The following EVC variants were observed in gnomAD, a reference collection of about 807,000 sequenced individuals.
EVC encodes the protein EvC ciliary complex subunit 1.
EVC carries 116 observed loss-of-function variants against 118.9 expected under a neutral mutation model. The ratio of observed to expected loss-of-function variants is 0.98; its 90% CI spans 0.84 to 1.14. The LOEUF (loss-of-function observed/expected upper bound fraction) is 1.14, where lower values mean the gene tolerates loss of function less well. Ranked by LOEUF, EVC falls within the 50% of genes most tolerant of loss-of-function variation. The pLI, the probability that EVC is intolerant of heterozygous loss-of-function variation, is 0.00. For missense variants in EVC, 1,401 were observed against 1,246.4 expected, an observed-to-expected ratio of 1.12 and a Z score of -1.87; for synonymous variants, 619 against 534.7, an observed-to-expected ratio of 1.16 and a Z score of -2.18.
intron 9 of EVC, 28 bp downstream of exon 9, chr4:5,753,080 C>T (rs745481694): frequency 6.4e-7 from 1 of 1,551,282 alleles, no homozygotes; most frequent in South Asian, 1.2e-5. Flanking sequence ...GTGCCGCCGT[C>T]CACAACACTG....
chr4:5,760,429 G>A (rs1486958205), intron 11 of EVC, among the ~76,000 whole-genome samples: 2 of 152,058 alleles, frequency 1.3e-5, no homozygotes, highest in African/African-American at 4.8e-5. Flanking sequence ...GTGTGACGAG[G>A]GGTGATACCT....
chr4:5,828,675 C>T, the EVC span: 1 of 1,612,786 alleles, frequency 6.2e-7, no homozygotes, highest in Non-Finnish European at 8.5e-7. Flanking sequence ...CCGCCTGCAC[C>T]AACAGCCTCA....
chr4:5,827,620 GCA>G, the EVC span, among the ~76,000 whole-genome samples: 12 of 151,384 alleles, frequency 7.9e-5, no homozygotes, highest in Non-Finnish European at 1.0e-4. Context: ...ACACACACGC[GCA>G]CACACACACA....
At chr4:5,727,161 T>C (rs1451425836) in intron 2 of EVC, among the ~76,000 whole-genome samples, 1 of 151,756 alleles carries the variant, frequency 6.6e-6, no homozygotes, top group African/African-American at 2.4e-5. Context: ...ACTTCCACAA[T>C]GGTTGAACTA....
intron 11 of EVC, among the ~76,000 whole-genome samples, chr4:5,759,285 A>G (rs12233721): frequency 0.72 from 109,237 of 152,122 alleles, 40,328 homozygotes; most frequent in African/African-American, 0.9. Context: ...TGAAAGAGCC[A>G]GACTACAGTG....
Position 5,798,791 on chromosome 4 carries a change from A to G in EVC, c.2303A>G (p.Lys768Arg), listed in dbSNP as rs1714450751. The change falls in exon 15 of 21, where the codon AAG (lysine) becomes AGG (arginine). Residue 768 changes from lysine (K) to arginine (R), a missense_variant and splice_region_variant. Lys to Arg is a conservative substitution (Grantham distance 26). Coordinates refer to ENST00000264956, the MANE Select transcript of EVC (RefSeq NM_153717.3). The surrounding 1 kb of genome is among the most constrained non-coding windows in gnomAD (Gnocchi z 4.1). The stretch of plus-strand genomic sequence containing the variant: ...CGGGCCAAGGACAGGGATGACTTCA[A>G]GGTATGCACTGACCTCTGTCCCTGG... The part of the protein sequence containing the change: ...KSRAKDRDDF[K>R]RTLMEAAVES... The G allele has an allele frequency of 6.2e-7, 1 of 1,610,552 alleles. No homozygotes were observed. The highest frequency in any genetic ancestry group is 8.5e-7 in the Non-Finnish European group (1 of 1,179,788).
intron 7 of EVC, among the ~76,000 whole-genome samples, chr4:5,745,715 C>G (rs1729267393): frequency 6.6e-6 from 1 of 152,218 alleles, no homozygotes; most frequent in South Asian, 2.1e-4. Context: ...AGAATGGCTT[C>G]TCTGAAACAT....
the EVC span, chr4:5,825,909 AC>A: frequency 1.4e-5 from 7 of 506,620 alleles, no homozygotes; most frequent in African/African-American, 6.6e-5. The surrounding 1 kb of genome is among the most constrained non-coding windows in gnomAD (Gnocchi z 4.4). Flanking sequence ...AGACGCACAC[AC>A]CACGCACACG....
rs956603469 is a variant in EVC at position 5,813,064 on chromosome 4, TAATC to T, written c.*2029_*2032del. 18 of 152,334 alleles carry T rather than the reference TAATC, an allele frequency of 1.2e-4. No homozygotes were observed. The highest frequency in any genetic ancestry group is 4.1e-4 in the African/African-American group (17 of 41,572). The allele number at this position is 152,334 out of a possible 1,614,324, so 9.4% of individuals were successfully genotyped here. ...TGACTCCTTCCCAGTGGCCAAAACT[TAATC>T]ATCAGAGCGCTTCCTTCAGTTCCTC... is the stretch of plus-strand genomic sequence containing the variant. On this transcript the variant is annotated 3_prime_UTR_variant, in exon 21 of 21. Transcript: ENST00000264956.
chr4:5,824,153 T>G, the EVC span: 3 of 239,000 alleles, frequency 1.3e-5, no homozygotes, highest in Non-Finnish European at 2.0e-5. Flanking sequence ...ATTGCAATTG[T>G]GCAGTGTTTA....
intron 5 of EVC, among the ~76,000 whole-genome samples, chr4:5,735,322 G>A (rs1727488932): frequency 6.6e-6 from 1 of 152,248 alleles, no homozygotes; most frequent in African/African-American, 2.4e-5. Flanking sequence ...TGGAAACCCA[G>A]GGAAGTTCCA....
At position 5,764,093 on chromosome 4, in the gene EVC, TGA is replaced by T. The variant is rs1732487553; in HGVS notation, c.1563+7735_1563+7736del. On this transcript the variant is annotated intron_variant, in intron 11 of 20. Transcript: ENST00000264956. Reference sequence around the variant, plus strand: ...TACATCCCATCAATACCTAATTTCTTGAGAGTTTTTAGCATGAAGGGTTGTTG... The same window carrying T: ...TACATCCCATCAATACCTAATTTCTTGAGTTTTTAGCATGAAGGGTTGTTG... 2.0e-5 allele frequency among the ~76,000 whole-genome samples: 3 copies of T among 146,766 alleles called. No individual in the cohort carries two copies. The South Asian group carries it at 6.9e-4, about 34-fold the overall frequency.
intron 7 of EVC, among the ~76,000 whole-genome samples, chr4:5,747,784 C>T (rs1729590412): frequency 6.6e-6 from 1 of 152,192 alleles, no homozygotes; most frequent in Non-Finnish European, 1.5e-5. Context: ...TATTTAATCC[C>T]ATTTAAAATT....
At position 5,748,277 on chromosome 4, in the gene EVC, T is replaced by C. The variant is rs1250965307; in HGVS notation, c.1069T>C (p.Leu357=). 1.2e-6 allele frequency: 2 copies of C among 1,614,140 alleles called. No homozygotes were observed. Among genetic ancestry groups the C allele is most frequent in the South Asian group, 1.1e-5 (1 of 91,078 alleles). ...TERMIAAEGL[L]CDSQELQALD... is the part of the protein sequence containing the mutation. ...AAGAATGATTGCAGCCGAAGGGCTA[T>C]TGTGCGATTCTCAGGAGCTGCAGGC... Residue 357 remains leucine (L), a synonymous_variant, in exon 8 of 21, where the codon TTG becomes CTG. Coordinates refer to ENST00000264956, the MANE Select transcript of EVC (RefSeq NM_153717.3).
intron 5 of EVC, 127 bp from the exon 6 acceptor site, chr4:5,741,589 G>C (rs1240393956): frequency 1.6e-6 from 1 of 628,348 alleles, no homozygotes; most frequent in African/African-American, 1.8e-5. Flanking sequence ...CGTGAAGAGA[G>C]GGTGAAAGAG....
At position 5,729,407 on chromosome 4, in the gene EVC, C is replaced by G. The variant is rs775105402; in HGVS notation, c.384+17C>G. Reference sequence around the variant, plus strand: ...AAGTTCCGGGTGAGAGTCCTGAGCTCCATCATAGAAAGCCAGTTACTTCCG... The same window carrying G: ...AAGTTCCGGGTGAGAGTCCTGAGCTGCATCATAGAAAGCCAGTTACTTCCG... On this transcript the variant is annotated intron_variant, in intron 3 of 20. Coordinates refer to ENST00000264956, the MANE Select transcript of EVC (RefSeq NM_153717.3). 2 of 1,612,072 alleles carry G rather than the reference C, an allele frequency of 1.2e-6. No homozygotes were observed. The highest frequency in any genetic ancestry group is 1.1e-5 in the South Asian group (1 of 91,030).
chr4:5,804,993 C>G, intron 17 of EVC, 152 bp downstream of exon 17: 1 of 713,892 alleles, frequency 1.4e-6, no homozygotes, highest in Non-Finnish European at 2.5e-6. Context: ...CTGTCCTGGT[C>G]TCTGCCCTCC....
In EVC at chr4:5,809,518, G is replaced by C; in HGVS notation, c.2689G>C (p.Glu897Gln). The C allele has an allele frequency of 6.2e-7, 1 of 1,614,112 alleles. No individual in the cohort carries two copies. The change falls in exon 19 of 21, where the codon GAA becomes CAA. Residue 897 changes from glutamate (E) to glutamine (Q), a missense_variant and splice_region_variant. Coordinates refer to ENST00000264956, the MANE Select transcript of EVC (RefSeq NM_153717.3). ...ATGCTCCTCTCTGCTTGCATTTCAG[G>C]AAGCTGAACAGAACTTCATCTCCGA... ...LEAQLETQLQ[E>Q]AEQNFISELA...
At chr4:5,720,899 G>T (rs1398912277) in intron 2 of EVC, among the ~76,000 whole-genome samples, 1 of 151,944 alleles carries the variant, frequency 6.6e-6, no homozygotes, top group East Asian at 1.9e-4. Context: ...TTACAGCAGG[G>T]TAAAAAGACT....
Sources: allele counts gnomAD v4.1 joint callset (sites outside exome capture counted in the v4.1 genomes callset), GRCh38; gene constraint gnomAD v4.1.1; non-coding constraint Gnocchi (gnomAD v3.1); transcripts MANE v1.5; gene names NCBI Gene and HGNC (gene_info 2026-07-23, HGNC 2026-07-21).